Variants in REV3L observed in about 807,000 individuals in gnomAD.
REV3L encodes the protein DNA polymerase zeta catalytic subunit.
Under a neutral mutation model 299.4 loss-of-function variants are expected in REV3L, and 69 were observed. The observed-to-expected ratio is 0.23, with a 90% CI of 0.19 to 0.28. The LOEUF is 0.28. Among genes scored for constraint, REV3L ranks in the 10% least tolerant of loss-of-function variants. REV3L has a pLI of 1.00. For synonymous variants in REV3L, 1,238 were observed against 1,271.4 expected (o/e 0.97, Z 0.56); for missense variants, 3,128 against 3,693.8 (o/e 0.85, Z 3.97).
chr6:111,325,752 C>T (rs1020101734), intron 25 of REV3L, among the ~76,000 whole-genome samples: 1 of 152,198 alleles, frequency 6.6e-6, no homozygotes, highest in Non-Finnish European at 1.5e-5. Context: ...TATCCATCAC[C>T]TCAAGCATTT....
Position 111,307,237 on chromosome 6 carries a change from C to A in REV3L, c.9252+124G>T. On this transcript the variant is annotated intron_variant, in intron 31 of 31. Coordinates refer to ENST00000368802, the MANE Select transcript of REV3L (RefSeq NM_001372078.1). ...TTTTTGAGATTTTTAGGAAGTTTAT[C>A]ATTTAGACTCTTCATTTCACTTTTC... 4 of 754,500 alleles carry A rather than the reference C, an allele frequency of 5.3e-6. No homozygotes were observed. The East Asian group carries it at 1.0e-4, about 19-fold the overall frequency. The allele number at this position is 754,500 out of a possible 1,614,324, so 46.7% of individuals were successfully genotyped here. A position where few individuals can be genotyped will look rare whatever the true frequency, so the allele number is the denominator to read the frequency against.
Position 111,482,970 on chromosome 6 carries a change from C to T in REV3L, c.-82G>A. ...GCGGCGGCGGCTCCCTCCGCAGCGG[C>T]GGCGGCGCCCCCTCCCCTTCTCGGC... On this transcript the variant is annotated 5_prime_UTR_variant, in exon 1 of 32. Coordinates refer to ENST00000368802, the MANE Select transcript of REV3L (RefSeq NM_001372078.1). 1 of 1,406,608 alleles carries T rather than the reference C, an allele frequency of 7.1e-7. No individual in the cohort carries two copies. The highest frequency in any genetic ancestry group is 9.2e-7 in the Non-Finnish European group (1 of 1,081,538). 87.1% of individuals were successfully genotyped at this position (1,406,608 alleles called of 1,614,324 possible).
intron 4 of REV3L, among the ~76,000 whole-genome samples, chr6:111,394,716 T>C: frequency 6.6e-6 from 1 of 151,664 alleles, no homozygotes; most frequent in East Asian, 1.9e-4. Context: ...ATTTTTTTTT[T>C]TTTTTTTGAG....
intron 21 of REV3L, among the ~76,000 whole-genome samples, chr6:111,338,014 A>C (rs1389599116): frequency 1.3e-5 from 2 of 152,194 alleles, no homozygotes; most frequent in African/African-American, 4.8e-5. Flanking sequence ...ATAATTTCTG[A>C]AAATGCCAGG....
chr6:111,447,669 A>G lies in REV3L; in HGVS notation c.140-31197T>C, dbSNP rs17539204. On this transcript the variant is annotated intron_variant, in intron 1 of 31. Coordinates refer to ENST00000368802, the MANE Select transcript of REV3L (RefSeq NM_001372078.1). Reference sequence around the variant, plus strand: ...CTGCTGAAGCATGACAACAGCCATTATAAGTAATCGATGTGAGGGGCAGTG... The same window carrying G: ...CTGCTGAAGCATGACAACAGCCATTGTAAGTAATCGATGTGAGGGGCAGTG... Among the ~76,000 whole-genome samples the G allele has an allele frequency of 3.3e-5, 5 of 152,330 alleles. No homozygotes were observed. The South Asian group carries it at 6.2e-4, about 19-fold the overall frequency.
chr6:111,373,146 C>T lies in REV3L; in HGVS notation c.5209G>A (p.Glu1737Lys). 1 of 1,614,140 alleles carries T rather than the reference C, an allele frequency of 6.2e-7. No individual in the cohort carries two copies. Among genetic ancestry groups the T allele is most frequent in the Non-Finnish European group, 8.5e-7 (1 of 1,180,006 alleles). ...IFEKSTIDSNENRRHNQWKNS... is the reference protein window; with the variant it reads ...IFEKSTIDSNKNRRHNQWKNS... ...TTCCACTGGTTGTGGCGACGATTCT[C>T]ATTGCTATCTATGGTTGACTTCTCA... is the stretch of plus-strand genomic sequence containing the variant. Residue 1737 changes from glutamate to lysine, a missense_variant, in exon 13 of 32, where the codon GAG becomes AAG. Glu to Lys is a moderately conservative substitution (Grantham distance 56). This residue lies in a region of REV3L where 2,409 missense variants were observed against 2,611.8 expected (regional missense o/e 0.92). Coordinates refer to ENST00000368802, the MANE Select transcript of REV3L (RefSeq NM_001372078.1).
chr6:111,360,943 G>GA (rs760482847), intron 16 of REV3L, among the ~76,000 whole-genome samples: 28 of 151,392 alleles, frequency 1.8e-4, no homozygotes, highest in Non-Finnish European at 3.7e-4. Flanking sequence ...AGAGCTAAGG[G>GA]AAAAAACTTT....
intron 4 of REV3L, among the ~76,000 whole-genome samples, chr6:111,399,712 A>C (rs1411645844): frequency 1.3e-5 from 2 of 152,186 alleles, no homozygotes; most frequent in East Asian, 3.8e-4. Context: ...CACACAGGCG[A>C]AGTACCTTTG....
intron 1 of REV3L, among the ~76,000 whole-genome samples, chr6:111,431,969 G>C (rs1235780877): frequency 6.6e-6 from 1 of 152,040 alleles, no homozygotes; most frequent in Admixed American, 6.6e-5. Flanking sequence ...AAAAAAAAGA[G>C]GGTTTTTAAA....
intron 3 of REV3L, among the ~76,000 whole-genome samples, chr6:111,406,102 A>G (rs1783592463): frequency 6.6e-6 from 1 of 152,158 alleles, no homozygotes; most frequent in South Asian, 2.1e-4. Flanking sequence ...GTTAAGTACT[A>G]TGTGGGGAAA....
intron 4 of REV3L, among the ~76,000 whole-genome samples, chr6:111,394,262 G>GT (rs1432826021): frequency 6.6e-6 from 1 of 152,166 alleles, no homozygotes; most frequent in Non-Finnish European, 1.5e-5. Flanking sequence ...CACCAACAGT[G>GT]TATAAGAGTT....
Position 111,350,008 on chromosome 6 carries a change from G to A in REV3L, c.7301-672C>T, listed in dbSNP as rs917696132. Among the ~76,000 whole-genome samples, 3 of 152,246 alleles carry A rather than the reference G, an allele frequency of 2.0e-5. No individual in the cohort carries two copies. In the East Asian group the frequency reaches 5.8e-4, roughly 29 times the overall value. On this transcript the variant is annotated intron_variant, in intron 19 of 31. Transcript: ENST00000368802. The stretch of plus-strand genomic sequence containing the variant: ...ATGCGTCTCTCCTATGTAACACTAG[G>A]TATATGTGAATGTTGATGATTAGAG...
intron 31 of REV3L, among the ~76,000 whole-genome samples, chr6:111,303,586 C>G (rs1223599910): frequency 6.8e-6 from 1 of 146,424 alleles, no homozygotes; most frequent in African/African-American, 2.5e-5. Context: ...AGGCTGGTCT[C>G]AAACTCCTGC....
At chr6:111,405,667 G>A (rs2128274816) in intron 3 of REV3L, 37 bp from the exon 4 acceptor site, 1 of 1,383,968 alleles carries the variant, frequency 7.2e-7, no homozygotes, top group East Asian at 2.3e-5. Context: ...ATAAAATTAT[G>A]TTCCCTAAAA....
chr6:111,363,744 A>G, intron 16 of REV3L, 109 bp downstream of exon 16: 1 of 977,540 alleles, frequency 1.0e-6, no homozygotes, highest in Non-Finnish European at 1.5e-6. Context: ...TTAATAGGAT[A>G]GAATTCAATA....
chr6:111,330,135 C>T (rs1342386107), intron 24 of REV3L: 2 of 348,942 alleles, frequency 5.7e-6, no homozygotes, highest in East Asian at 1.5e-4. Flanking sequence ...TTTTAAAGAT[C>T]TCATCCTAAT....
intron 1 of REV3L, among the ~76,000 whole-genome samples, chr6:111,451,622 G>T (rs1171017366): frequency 6.6e-6 from 1 of 151,944 alleles, no homozygotes; most frequent in Non-Finnish European, 1.5e-5. Context: ...CAAATTTTGG[G>T]CCCAATACCG....
chr6:111,346,342 C>T (rs997787997), intron 20 of REV3L, among the ~76,000 whole-genome samples: 7 of 152,142 alleles, frequency 4.6e-5, no homozygotes, highest in Non-Finnish European at 1.0e-4. Flanking sequence ...CAACAAATAT[C>T]TAATAAGCAT....
chr6:111,318,574 TTTTG>T lies in REV3L; in HGVS notation c.8352-3197_8352-3194del, dbSNP rs1251935054. ...GATGCAATGATGAATGCAACATTTTTTTTGTTTGTTTTTTGAGATGGAGTTTTGC... is the reference window on the plus strand; with the variant it reads ...GATGCAATGATGAATGCAACATTTTTTTTGTTTTTTGAGATGGAGTTTTGC... On this transcript the variant is annotated intron_variant, in intron 26 of 31. Coordinates refer to ENST00000368802, the MANE Select transcript of REV3L (RefSeq NM_001372078.1). Among the ~76,000 whole-genome samples, 5 of 152,158 alleles carry T rather than the reference TTTTG, an allele frequency of 3.3e-5. No homozygotes were observed. In the East Asian group the frequency reaches 5.8e-4, roughly 18 times the overall value.
Sources: allele counts gnomAD v4.1 joint callset (sites outside exome capture counted in the v4.1 genomes callset), GRCh38; gene constraint gnomAD v4.1.1; regional missense constraint gnomAD v4.1.1; transcripts MANE v1.5; gene names NCBI Gene and HGNC (gene_info 2026-07-23, HGNC 2026-07-21).